Variants in HAT1 observed in about 807,000 individuals in gnomAD.
HAT1 encodes histone acetyltransferase type B catalytic subunit.
In HAT1, 20 loss-of-function variants were observed where a neutral mutation model predicts 56.6. The ratio of observed to expected loss-of-function variants is 0.35; its 90% CI spans 0.25 to 0.51. The LOEUF is 0.51. HAT1 is among the 20% of genes least tolerant of loss of function. The probability of loss-of-function intolerance (pLI) is 0.95; values close to 1 mark genes in which losing one functional copy is unlikely to be tolerated. For synonymous variants in HAT1, 146 were observed against 165.5 expected (o/e 0.88, Z 0.91); for missense variants, 408 against 504.3 (o/e 0.81, Z 1.83).
chr2:171,937,079 T>C (rs1686889861), intron 2 of HAT1, among the ~76,000 whole-genome samples: 1 of 152,142 alleles, frequency 6.6e-6, no homozygotes, highest in African/African-American at 2.4e-5. Context: ...CTCAGCCTCC[T>C]GAGTAGCTGG....
chr2:171,932,508 G>C (rs1313233792), intron 2 of HAT1, among the ~76,000 whole-genome samples: 1 of 152,076 alleles, frequency 6.6e-6, no homozygotes, highest in Non-Finnish European at 1.5e-5. Context: ...GTCTTTTAAA[G>C]TATTTCTCTA....
chr2:171,947,866 G>A (rs1157558621), intron 3 of HAT1, among the ~76,000 whole-genome samples: 4 of 152,190 alleles, frequency 2.6e-5, no homozygotes, highest in East Asian at 3.8e-4. Flanking sequence ...GCGACAGAGC[G>A]AGACTGTCTC....
At chr2:171,951,948 C>A (rs897488130) in intron 3 of HAT1, among the ~76,000 whole-genome samples, 2 of 152,142 alleles carry the variant, frequency 1.3e-5, no homozygotes. Flanking sequence ...CTGGAATGGA[C>A]AGTGCTCCGT....
intron 2 of HAT1, among the ~76,000 whole-genome samples, chr2:171,939,216 A>G (rs970487381): frequency 3.9e-5 from 6 of 152,200 alleles, no homozygotes; most frequent in Admixed American, 2.6e-4. Context: ...GAAAGCTGAG[A>G]TAGGTGATCG....
chr2:171,979,529 C>T (rs920732454), intron 10 of HAT1, 166 bp downstream of exon 10: 88 of 516,460 alleles, frequency 1.7e-4, no homozygotes, highest in South Asian at 2.2e-4. Context: ...CACTCATGGC[C>T]GGGCGTGGTG....
At chr2:171,941,037 G>C (rs1687006127) in intron 2 of HAT1, among the ~76,000 whole-genome samples, 1 of 152,060 alleles carries the variant, frequency 6.6e-6, no homozygotes, top group African/African-American at 2.4e-5. Context: ...TAAAATAATG[G>C]GTTGGCAACA....
At chr2:171,958,238 A>G (rs1687492524) in intron 4 of HAT1, among the ~76,000 whole-genome samples, 1 of 152,062 alleles carries the variant, frequency 6.6e-6, no homozygotes, top group South Asian at 2.1e-4. Flanking sequence ...CATAATATAT[A>G]ATAATATCCT....
At chr2:171,936,348 T>C (rs1686873122) in intron 2 of HAT1, among the ~76,000 whole-genome samples, 1 of 152,128 alleles carries the variant, frequency 6.6e-6, no homozygotes, top group South Asian at 2.1e-4. Flanking sequence ...ACCTGAGAGG[T>C]CTGTAAGACA....
intron 8 of HAT1, among the ~76,000 whole-genome samples, chr2:171,969,780 T>C (rs1687769384): frequency 6.6e-6 from 1 of 152,204 alleles, no homozygotes; most frequent in Admixed American, 6.5e-5. Context: ...AAATGTGGCC[T>C]GAGTAGTTTT....
chr2:171,974,292 A>G (rs1321428656), intron 8 of HAT1, among the ~76,000 whole-genome samples: 1 of 151,230 alleles, frequency 6.6e-6, no homozygotes, highest in Non-Finnish European at 1.5e-5. Flanking sequence ...CAAGTTTTGC[A>G]CTACTTTTGT....
chr2:171,957,242 A>G (rs562585533), intron 4 of HAT1, among the ~76,000 whole-genome samples: 6 of 152,246 alleles, frequency 3.9e-5, no homozygotes, highest in South Asian at 2.1e-4. Context: ...TGGAAGAATG[A>G]CTCTGAGGGC....
intron 1 of HAT1, 140 bp downstream of exon 1, chr2:171,922,647 C>T: frequency 4.6e-6 from 3 of 645,324 alleles, no homozygotes; most frequent in Non-Finnish European, 6.9e-6. Flanking sequence ...ACCGGAAGCG[C>T]GGAACTCTCA....
At chr2:171,938,613 C>T (rs1686938242) in intron 2 of HAT1, among the ~76,000 whole-genome samples, 1 of 152,142 alleles carries the variant, frequency 6.6e-6, no homozygotes, top group Non-Finnish European at 1.5e-5. Context: ...GCTGTCATTG[C>T]AGAAAACCCT....
At chr2:171,974,179 AAAAAAAAAAAAAAG>A (rs1687892788) in intron 8 of HAT1, among the ~76,000 whole-genome samples, 4 of 106,778 alleles carry the variant, frequency 3.7e-5, no homozygotes, top group East Asian at 2.2e-4. Context: ...GTCTCAAAAA[AAAAAAAAAAAAAAG>A]AAAAAAAGAA....
chr2:171,926,295 A>T (rs1440197698), intron 2 of HAT1, among the ~76,000 whole-genome samples: 2 of 150,616 alleles, frequency 1.3e-5, no homozygotes, highest in South Asian at 4.2e-4. Flanking sequence ...TAATTTTTAT[A>T]AAAAATTTTT....
chr2:171,979,118 T>G, intron 9 of HAT1, 129 bp from the exon 10 acceptor site: 1 of 623,538 alleles, frequency 1.6e-6, no homozygotes, highest in Admixed American at 2.6e-5. Context: ...ACTACTTTTA[T>G]TGCCTTTCCT....
intron 2 of HAT1, among the ~76,000 whole-genome samples, chr2:171,937,829 C>T (rs780133708): frequency 2.0e-5 from 3 of 151,976 alleles, no homozygotes; most frequent in Non-Finnish European, 2.9e-5. Context: ...TGAGGCCAGC[C>T]TAAGCAACAT....
At chr2:171,977,050 T>G (rs2105345915) in intron 9 of HAT1, among the ~76,000 whole-genome samples, 1 of 152,274 alleles carries the variant, frequency 6.6e-6, no homozygotes, top group South Asian at 2.1e-4. Flanking sequence ...CATGCGCCTG[T>G]AGTCCCAGCT....
intron 2 of HAT1, among the ~76,000 whole-genome samples, chr2:171,934,144 T>G (rs1686809027): frequency 2.0e-5 from 3 of 152,230 alleles, no homozygotes; most frequent in Non-Finnish European, 4.4e-5. Flanking sequence ...GTCCCCTCTT[T>G]AACCCATCTT....
Sources: allele counts gnomAD v4.1 joint callset (sites outside exome capture counted in the v4.1 genomes callset), GRCh38; gene constraint gnomAD v4.1.1; transcripts MANE v1.5; gene names NCBI Gene and HGNC (gene_info 2026-07-23, HGNC 2026-07-21).